The following THEMIS variants were observed in gnomAD, a reference collection of about 807,000 sequenced individuals.
THEMIS encodes the protein protein THEMIS.
A neutral mutation model predicts 52.6 loss-of-function variants in THEMIS; 37 were observed. The ratio of observed to expected loss-of-function variants is 0.70; its 90% CI spans 0.54 to 0.93. THEMIS has a LOEUF of 0.93. THEMIS is among the 40% of genes least tolerant of loss of function. THEMIS has a pLI of 0.00. For synonymous variants in THEMIS, 292 were observed against 272.7 expected, an observed-to-expected ratio of 1.07 and a Z score of -0.70; for missense variants, 808 against 763.1, an observed-to-expected ratio of 1.06 and a Z score of -0.69.
chr6:127,891,538 C>CAAAAAAAAAAAAAAAAAAA (rs67886431), intron 1 of THEMIS, among the ~76,000 whole-genome samples: 8 of 96,834 alleles, frequency 8.3e-5, no homozygotes, highest in South Asian at 3.6e-4. Flanking sequence ...TCCAGCTCAA[C>CAAAAAAAAAAAAAAAAAAA]AAAAAAAAAA....
intron 4 of THEMIS, among the ~76,000 whole-genome samples, chr6:127,748,776 C>A (rs1775536799): frequency 6.6e-6 from 1 of 152,030 alleles, no homozygotes; most frequent in South Asian, 2.1e-4. Flanking sequence ...AAGTCACAAT[C>A]TCTCAGAAAC....
At chr6:127,700,661 C>G in the THEMIS span, among the ~76,000 whole-genome samples, 1 of 151,958 alleles carries the variant, frequency 6.6e-6, no homozygotes, top group Non-Finnish European at 1.5e-5. Flanking sequence ...AAAATGCATT[C>G]TAGCAAGATA....
chr6:127,757,781 C>T (rs1488215656), intron 4 of THEMIS, among the ~76,000 whole-genome samples: 1 of 152,072 alleles, frequency 6.6e-6, no homozygotes, highest in Non-Finnish European at 1.5e-5. Context: ...CCATGCCCGG[C>T]CCATATATCA....
intron 1 of THEMIS, among the ~76,000 whole-genome samples, chr6:127,899,801 C>T (rs1181102064): frequency 1.3e-5 from 2 of 150,984 alleles, no homozygotes; most frequent in Non-Finnish European, 3.0e-5. Flanking sequence ...AAAACATAGT[C>T]TGATTCCAAA....
chr6:127,851,981 C>T (rs270028), intron 2 of THEMIS, among the ~76,000 whole-genome samples: 84,451 of 151,242 alleles, frequency 0.56, 25,063 homozygotes, highest in East Asian at 0.82. Context: ...CATGGTAAAG[C>T]TGAAAAATTA....
intron 2 of THEMIS, among the ~76,000 whole-genome samples, chr6:127,834,088 A>G (rs750999985): frequency 2.6e-5 from 4 of 152,168 alleles, no homozygotes; most frequent in Non-Finnish European, 5.9e-5. Context: ...TTCAAAGAAG[A>G]GTCTTCAAGA....
chr6:127,803,751 A>G (rs1166627727), intron 4 of THEMIS, among the ~76,000 whole-genome samples: 1 of 152,178 alleles, frequency 6.6e-6, no homozygotes, highest in Admixed American at 6.5e-5. Context: ...TGGATCAGGA[A>G]AGAAAAGTCC....
chr6:127,796,445 G>T (rs990269535), intron 4 of THEMIS, among the ~76,000 whole-genome samples: 1 of 152,162 alleles, frequency 6.6e-6, no homozygotes, highest in Non-Finnish European at 1.5e-5. Flanking sequence ...CTAAAGACCA[G>T]ATCAACCTTA....
At chr6:127,839,437 G>A (rs1778972490) in intron 2 of THEMIS, among the ~76,000 whole-genome samples, 1 of 151,752 alleles carries the variant, frequency 6.6e-6, no homozygotes, top group African/African-American at 2.4e-5. Flanking sequence ...TCAATATTTT[G>A]TCTCATTTGA....
chr6:127,786,722 T>C (rs1163337490), intron 4 of THEMIS, among the ~76,000 whole-genome samples: 1 of 152,166 alleles, frequency 6.6e-6, no homozygotes, highest in Non-Finnish European at 1.5e-5. Context: ...TATTTCAGCA[T>C]AAAGGCAATG....
the THEMIS span, among the ~76,000 whole-genome samples, chr6:127,699,856 T>G: frequency 5.7e-4 from 87 of 151,954 alleles, no homozygotes; most frequent in Middle Eastern, 3.4e-3. Flanking sequence ...ATCTAAAAAT[T>G]TTAGAAGAAA....
At chr6:127,714,034 A>T (rs1218302427) in intron 5 of THEMIS, among the ~76,000 whole-genome samples, 1 of 151,894 alleles carries the variant, frequency 6.6e-6, no homozygotes, top group African/African-American at 2.4e-5. Context: ...GGAAAAAAAA[A>T]TGGGCATATT....
At chr6:127,753,490 A>G (rs1330175121) in intron 4 of THEMIS, among the ~76,000 whole-genome samples, 2 of 152,064 alleles carry the variant, frequency 1.3e-5, no homozygotes, top group Non-Finnish European at 2.9e-5. Context: ...TCTATAAAGC[A>G]TTATTGAAAG....
chr6:127,852,622 C>T (rs925687402), intron 2 of THEMIS, among the ~76,000 whole-genome samples: 1 of 151,432 alleles, frequency 6.6e-6, no homozygotes, highest in African/African-American at 2.4e-5. Flanking sequence ...TACCATTTGA[C>T]TTTTTAAGTC....
chr6:127,855,680 G>A (rs563590215), intron 1 of THEMIS, among the ~76,000 whole-genome samples: 1 of 152,054 alleles, frequency 6.6e-6, no homozygotes, highest in South Asian at 2.1e-4. Flanking sequence ...TAGCATGAAA[G>A]TAAAACTTTT....
the THEMIS span, among the ~76,000 whole-genome samples, chr6:127,702,879 G>A: frequency 6.6e-6 from 1 of 151,830 alleles, no homozygotes; most frequent in Non-Finnish European, 1.5e-5. Flanking sequence ...ACTCTCACGA[G>A]AACAGCATGG....
At chr6:127,803,290 TC>T in intron 4 of THEMIS, among the ~76,000 whole-genome samples, 1 of 152,312 alleles carries the variant, frequency 6.6e-6, no homozygotes, top group Non-Finnish European at 1.5e-5. Flanking sequence ...ATTATCATAA[TC>T]CAGTTTTAGA....
chr6:127,762,013 T>G (rs1287920777), intron 4 of THEMIS, among the ~76,000 whole-genome samples: 1 of 152,142 alleles, frequency 6.6e-6, no homozygotes, highest in Admixed American at 6.6e-5. Flanking sequence ...GAATGTCTAC[T>G]GATTAATGAA....
chr6:127,904,962 C>G (rs1029029578), upstream of THEMIS, among the ~76,000 whole-genome samples: 2 of 152,046 alleles, frequency 1.3e-5, no homozygotes, highest in Non-Finnish European at 2.9e-5. Flanking sequence ...CTCACTCTCT[C>G]TCTCTCTATC....
Sources: allele counts gnomAD v4.1 joint callset (sites outside exome capture counted in the v4.1 genomes callset), GRCh38; gene constraint gnomAD v4.1.1; transcripts MANE v1.5; gene names NCBI Gene and HGNC (gene_info 2026-07-23, HGNC 2026-07-21).